The following FBXL20 variants were observed in gnomAD, a reference collection of about 807,000 sequenced individuals.
FBXL20 encodes F-box and leucine rich repeat protein 20, also known as F-box/LRR-repeat protein 20.
Under a neutral mutation model 64.0 loss-of-function variants are expected in FBXL20, and 11 were observed. The ratio of observed to expected loss-of-function variants is 0.17; its 90% CI spans 0.11 to 0.28. FBXL20 has a LOEUF of 0.28. Ranked by LOEUF, FBXL20 falls within the 10% of genes least tolerant of loss-of-function variation. The pLI is 1.00. For missense variants in FBXL20, 303 were observed against 526.2 expected, an observed-to-expected ratio of 0.58 and a Z score of 4.15; for synonymous variants, 184 against 189.0, an observed-to-expected ratio of 0.97 and a Z score of 0.22.
chr17:39,327,769 C>T (rs1338325606), intron 2 of FBXL20, among the ~76,000 whole-genome samples: 3 of 152,058 alleles, frequency 2.0e-5, no homozygotes, highest in East Asian at 1.9e-4. Flanking sequence ...GGCACAATCT[C>T]GGCTCACTGC....
chr17:39,369,965 T>C (rs889673457), intron 1 of FBXL20, among the ~76,000 whole-genome samples: 1 of 152,048 alleles, frequency 6.6e-6, no homozygotes, highest in South Asian at 2.1e-4. Context: ...GCAGGCATGG[T>C]GGCTCACACC....
intron 9 of FBXL20, among the ~76,000 whole-genome samples, chr17:39,277,985 C>T (rs1417056345): frequency 6.6e-6 from 1 of 152,058 alleles, no homozygotes; most frequent in Non-Finnish European, 1.5e-5. Context: ...AGAATTGGTT[C>T]TTTACGTTCA....
At chr17:39,264,107 A>C in intron 14 of FBXL20, 68 bp downstream of exon 14, 2 of 1,520,752 alleles carry the variant, frequency 1.3e-6, no homozygotes, top group Non-Finnish European at 9.0e-7. Context: ...AATTTGAAAA[A>C]AGGAAAAAAA....
chr17:39,336,285 A>C (rs942707954), intron 2 of FBXL20, among the ~76,000 whole-genome samples: 5 of 152,208 alleles, frequency 3.3e-5, no homozygotes, highest in Non-Finnish European at 7.3e-5. Flanking sequence ...AAATGACATA[A>C]TATGTAACTT....
chr17:39,355,855 C>CAA (rs746086439), intron 1 of FBXL20, among the ~76,000 whole-genome samples: 19,414 of 67,130 alleles, frequency 0.29, 2,900 homozygotes, highest in African/African-American at 0.44. Context: ...GACTTCGTCT[C>CAA]AAAAAAAAAA....
chr17:39,312,201 G>A (rs1313623726), intron 2 of FBXL20, among the ~76,000 whole-genome samples: 1 of 152,048 alleles, frequency 6.6e-6, no homozygotes, highest in Non-Finnish European at 1.5e-5. Flanking sequence ...CGGATCACAA[G>A]GTCAGGAGTT....
chr17:39,321,795 A>T (rs8072297), intron 2 of FBXL20, among the ~76,000 whole-genome samples: 53,784 of 150,974 alleles, frequency 0.36, 12,301 homozygotes, highest in African/African-American at 0.65. Context: ...AAAAAAAAAA[A>T]AACAAAAATA....
At chr17:39,279,376 G>A (rs1197578938) in intron 9 of FBXL20, among the ~76,000 whole-genome samples, 1 of 151,724 alleles carries the variant, frequency 6.6e-6, no homozygotes, top group Non-Finnish European at 1.5e-5. Flanking sequence ...GCACACACCT[G>A]TAGTCCAAGC....
At chr17:39,356,181 C>T (rs1167736397) in intron 1 of FBXL20, among the ~76,000 whole-genome samples, 2 of 144,816 alleles carry the variant, frequency 1.4e-5, no homozygotes, top group South Asian at 4.3e-4. Context: ...TGCCACGGCA[C>T]TCCAGCCTAG....
intron 14 of FBXL20, among the ~76,000 whole-genome samples, chr17:39,263,470 G>A (rs2046765498): frequency 6.6e-6 from 1 of 151,436 alleles, no homozygotes; most frequent in African/African-American, 2.4e-5. Flanking sequence ...AGCCAACATC[G>A]AGCCACTGCA....
intron 2 of FBXL20, among the ~76,000 whole-genome samples, chr17:39,314,026 T>G (rs747460564): frequency 6.6e-6 from 1 of 152,180 alleles, no homozygotes; most frequent in Non-Finnish European, 1.5e-5. Context: ...ATCACCACTA[T>G]GTAATTCCAG....
At chr17:39,358,975 T>A (rs1193263375) in intron 1 of FBXL20, among the ~76,000 whole-genome samples, 1 of 152,136 alleles carries the variant, frequency 6.6e-6, no homozygotes, top group Non-Finnish European at 1.5e-5. Context: ...TCACTAATCA[T>A]TAGAAAAATG....
At chr17:39,397,479 T>C (rs1012261491) in intron 1 of FBXL20, among the ~76,000 whole-genome samples, 2 of 152,176 alleles carry the variant, frequency 1.3e-5, no homozygotes, top group Non-Finnish European at 2.9e-5. Context: ...GGCTTTTTAA[T>C]AAACCCATTA....
At chr17:39,289,997 TCAAA>T (rs1567865618) in intron 6 of FBXL20, among the ~76,000 whole-genome samples, 1 of 33,002 alleles carries the variant, frequency 3.0e-5, no homozygotes, top group African/African-American at 2.4e-4. Flanking sequence ...AGACTCAGTC[TCAAA>T]AAAAAAAAAA....
chr17:39,275,148 A>G, intron 9 of FBXL20, 48 bp from the exon 10 acceptor site: 1 of 1,550,642 alleles, frequency 6.4e-7, no homozygotes, highest in Non-Finnish European at 8.7e-7. Flanking sequence ...ATCTTAGCAA[A>G]ACAAAAAAAG....
intron 3 of FBXL20, among the ~76,000 whole-genome samples, chr17:39,303,349 G>A (rs930453292): frequency 2.6e-5 from 4 of 151,808 alleles, no homozygotes; most frequent in Admixed American, 6.6e-5. Flanking sequence ...CTTTTTCATC[G>A]AAAATGTTTC....
At chr17:39,311,259 G>A (rs527393077) in intron 2 of FBXL20, among the ~76,000 whole-genome samples, 1 of 152,000 alleles carries the variant, frequency 6.6e-6, no homozygotes, top group South Asian at 2.1e-4. Context: ...AAAACTTTTG[G>A]CTTTTAAATT....
chr17:39,305,088 T>C (rs2047169976), intron 2 of FBXL20, among the ~76,000 whole-genome samples: 1 of 151,888 alleles, frequency 6.6e-6, no homozygotes, highest in South Asian at 2.1e-4. Context: ...TGAAGTATTT[T>C]ACAGTTATGA....
At chr17:39,387,422 G>A (rs2048092461) in intron 1 of FBXL20, among the ~76,000 whole-genome samples, 1 of 151,884 alleles carries the variant, frequency 6.6e-6, no homozygotes. Context: ...TGGGATTACA[G>A]GCGCCTGCCA....
Sources: gnomAD v4.1 joint callset for allele counts (sites outside exome capture counted in the v4.1 genomes callset) on GRCh38, gnomAD v4.1.1 for gene constraint, MANE v1.5 for transcripts, NCBI Gene and HGNC (gene_info 2026-07-23, HGNC 2026-07-21) for gene names.